Variants in TCF25 observed in about 807,000 individuals in gnomAD.
TCF25 encodes the protein ribosome quality control complex subunit TCF25.
TCF25 carries 41 observed loss-of-function variants against 83.1 expected under a neutral mutation model. The ratio of observed to expected loss-of-function variants is 0.49; its 90% CI spans 0.38 to 0.64. TCF25 has a LOEUF of 0.64. TCF25 is among the 30% of genes least tolerant of loss of function. The probability of loss-of-function intolerance (pLI) is 0.00; values close to 1 mark genes in which losing one functional copy is unlikely to be tolerated. For synonymous variants in TCF25, 458 were observed against 365.0 expected (o/e 1.25, Z -2.90); for missense variants, 979 against 914.5 (o/e 1.07, Z -0.91).
chr16:89,895,246 C>T, intron 8 of TCF25, 109 bp downstream of exon 8: 2 of 1,011,320 alleles, frequency 2.0e-6, no homozygotes, highest in Non-Finnish European at 2.9e-6. Context: ...TCCATGACAG[C>T]TTTATTGAGA....
chr16:89,873,793 G>A lies in TCF25; in HGVS notation c.126G>A (p.Glu42=). Residue 42 remains glutamate (E), a synonymous_variant, in exon 1 of 18, where the codon GAG becomes GAA. Transcript: ENST00000263346. ...DDAEEEGPKR[E]LGVRRPGGAG... ...CGGAAGAAGAAGGGCCCAAGCGGGAGCTTGGTGTCCGGCGTCCCGGGGGCG... is the reference window on the plus strand; with the variant it reads ...CGGAAGAAGAAGGGCCCAAGCGGGAACTTGGTGTCCGGCGTCCCGGGGGCG... 6.2e-7 allele frequency: 1 copy of A among 1,606,354 alleles called. No homozygotes were observed. Among genetic ancestry groups the A allele is most frequent in the South Asian group, 1.1e-5 (1 of 90,154 alleles).
intron 1 of TCF25, among the ~76,000 whole-genome samples, chr16:89,880,812 G>A (rs2042550756): frequency 7.6e-6 from 1 of 131,946 alleles, no homozygotes; most frequent in Non-Finnish European, 1.7e-5. Context: ...CAATTTACCA[G>A]TGACCACCCA....
intron 9 of TCF25, among the ~76,000 whole-genome samples, chr16:89,897,758 C>T (rs747592215): frequency 2.0e-5 from 3 of 152,050 alleles, no homozygotes; most frequent in Non-Finnish European, 2.9e-5. Flanking sequence ...AAATTAAGAT[C>T]GTAATTGTAA....
At chr16:89,877,200 G>A (rs1015265423) in intron 1 of TCF25, among the ~76,000 whole-genome samples, 3 of 152,186 alleles carry the variant, frequency 2.0e-5, no homozygotes, top group Non-Finnish European at 2.9e-5. Context: ...GTGTGTGGGT[G>A]TGTGTGTGTT....
intron 5 of TCF25, among the ~76,000 whole-genome samples, chr16:89,891,819 C>T (rs1052518972): frequency 6.6e-6 from 1 of 152,106 alleles, no homozygotes; most frequent in Admixed American, 6.6e-5. Context: ...CAGGTGCAGG[C>T]CATCACGCCA....
chr16:89,901,341 C>T (rs1202428002), intron 12 of TCF25, among the ~76,000 whole-genome samples: 1 of 152,222 alleles, frequency 6.6e-6, no homozygotes, highest in African/African-American at 2.4e-5. Context: ...TGTGAAATCC[C>T]TCTTTAAGAT....
rs924149201 is a variant in TCF25, at chr16:89,895,223, G to C, written c.928+86G>C. 3 of 1,258,584 alleles carry C rather than the reference G, an allele frequency of 2.4e-6. No individual in the cohort carries two copies. The East Asian group carries it at 7.4e-5, about 31-fold the overall frequency. The allele number at this position is 1,258,584 out of a possible 1,614,324, so 78.0% of individuals were successfully genotyped here. On this transcript the variant is annotated intron_variant, in intron 8 of 17. Coordinates refer to ENST00000263346, the MANE Select transcript of TCF25 (RefSeq NM_014972.3). ...AGATGCGATGGTGTAAGATGACAGG[G>C]GTTGCCAGGATATCCATGACAGCTT...
intron 13 of TCF25, chr16:89,904,675 A>G (rs2044628153): frequency 3.3e-6 from 2 of 597,136 alleles, no homozygotes; most frequent in African/African-American, 1.9e-5. Flanking sequence ...GTGCACGCAG[A>G]TGGACCCGCC....
rs1222140728 is a variant in TCF25, at chr16:89,904,131, G to A, written c.1395G>A (p.Leu465=). Residue 465 remains leucine (L), a synonymous_variant, in exon 13 of 18, where the codon CTG becomes CTA. Coordinates refer to ENST00000263346, the MANE Select transcript of TCF25 (RefSeq NM_014972.3). ...CTTCCCCTGCAGTCCTCCTGCCCCT[G>A]CTCGAGTCTTGCAGTGTGCGGCCCG... ...LTMFPGVLLP[L]LESCSVRPDA... 8.1e-6 allele frequency: 13 copies of A among 1,606,856 alleles called. No homozygotes were observed. Among genetic ancestry groups the A allele is most frequent in the African/African-American group, 2.7e-5 (2 of 74,820 alleles).
chr16:89,892,460 T>C (rs2043506182), intron 6 of TCF25, among the ~76,000 whole-genome samples, 185 bp downstream of exon 6: 1 of 152,106 alleles, frequency 6.6e-6, no homozygotes, highest in Non-Finnish European at 1.5e-5. Context: ...GAGCCGAGAC[T>C]CTTTGCTCCA....
intron 14 of TCF25, among the ~76,000 whole-genome samples, chr16:89,905,733 G>A (rs988060654): frequency 3.3e-5 from 5 of 152,210 alleles, no homozygotes; most frequent in African/African-American, 9.7e-5. Context: ...TCATGGGCCC[G>A]TCCGCGTGTC....
intron 4 of TCF25, among the ~76,000 whole-genome samples, chr16:89,886,937 T>C (rs1189042749): frequency 6.6e-6 from 1 of 152,170 alleles, no homozygotes; most frequent in Non-Finnish European, 1.5e-5. Context: ...AGCGAGACTC[T>C]GTCTCCCGAC....
Position 89,898,564 on chromosome 16 carries a change from T to C in TCF25, c.1030T>C (p.Tyr344His), listed in dbSNP as rs763709521. 1.3e-6 allele frequency: 2 copies of C among 1,598,706 alleles called. No homozygotes were observed. Among genetic ancestry groups the C allele is most frequent in the Non-Finnish European group, 1.7e-6 (2 of 1,176,650 alleles). Residue 344 changes from tyrosine to histidine, a missense_variant, in exon 10 of 18, where the codon TAC becomes CAC. Transcript: ENST00000263346. ...DYRRPENRSFYLALYKQMSFL... is the reference protein window; with the variant it reads ...DYRRPENRSFHLALYKQMSFL... ...GAACTATTTTGGATCTAGGAGCTTCTACCTGGCCCTCTACAAGCAGATGAG... is the reference window on the plus strand; with the variant it reads ...GAACTATTTTGGATCTAGGAGCTTCCACCTGGCCCTCTACAAGCAGATGAG...
chr16:89,908,966 G>A (rs1310449194), intron 16 of TCF25: 1 of 1,289,484 alleles, frequency 7.8e-7, no homozygotes, highest in Admixed American at 2.3e-5. Flanking sequence ...CCCCTCACAG[G>A]AAGGGAGAGG....
At chr16:89,900,551 C>T in intron 11 of TCF25, 84 bp from the exon 12 acceptor site, 1 of 1,460,334 alleles carries the variant, frequency 6.8e-7, no homozygotes, top group Non-Finnish European at 9.3e-7. Flanking sequence ...GTAGGGCTCA[C>T]TGGTGATGTC....
Position 89,873,696 on chromosome 16 carries a change from G to C in TCF25, c.29G>C (p.Arg10Thr), listed in dbSNP as rs774983711. The change falls in exon 1 of 18, where the codon AGG (arginine) becomes ACG (threonine). Residue 10 changes from arginine (R) to threonine (T), a missense_variant. Arg to Thr is a moderately conservative substitution (Grantham distance 71). Transcript: ENST00000263346. MSRRALRRL[R>T]GEQRGQEPLG... ...TCGCGCCGGGCCCTCCGGAGGCTGA[G>C]GGGGGAACAGCGCGGCCAGGAGCCC... 6.2e-7 allele frequency: 1 copy of C among 1,608,040 alleles called. No individual in the cohort carries two copies.
intron 1 of TCF25, among the ~76,000 whole-genome samples, chr16:89,881,762 T>G (rs541336383): frequency 9.2e-5 from 14 of 152,194 alleles, no homozygotes; most frequent in East Asian, 1.9e-4. Context: ...CTCTTTTTTT[T>G]TTGTTTTCTT....
intron 12 of TCF25, among the ~76,000 whole-genome samples, chr16:89,903,027 C>T (rs1213881622): frequency 6.6e-6 from 1 of 152,202 alleles, no homozygotes; most frequent in Non-Finnish European, 1.5e-5. Flanking sequence ...AGTTTCGTCC[C>T]CTGTGTCTAA....
At chr16:89,877,113 T>A (rs542547453) in intron 1 of TCF25, among the ~76,000 whole-genome samples, 15,796 of 149,394 alleles carry the variant, frequency 0.11, 2,534 homozygotes, top group African/African-American at 0.36. Context: ...AAAAAATAAA[T>A]AAATAAATAA....
Sources: gnomAD v4.1 joint callset for allele counts (sites outside exome capture counted in the v4.1 genomes callset) on GRCh38, gnomAD v4.1.1 for gene constraint, MANE v1.5 for transcripts, NCBI Gene and HGNC (gene_info 2026-07-23, HGNC 2026-07-21) for gene names.